The following GABBR2 variants were observed in gnomAD, a reference collection of about 807,000 sequenced individuals.
GABBR2 encodes the protein gamma-aminobutyric acid type B receptor subunit 2.
GABBR2 carries 23 observed loss-of-function variants against 105.6 expected under a neutral mutation model. The ratio of observed to expected loss-of-function variants is 0.22; its 90% CI spans 0.16 to 0.31. The LOEUF is 0.31. Ranked by LOEUF, GABBR2 falls within the 10% of genes least tolerant of loss-of-function variation. The pLI, the probability that GABBR2 is intolerant of heterozygous loss-of-function variation, is 1.00. For synonymous variants in GABBR2, 478 were observed against 499.7 expected (o/e 0.96, Z 0.58); for missense variants, 734 against 1,245.5 (o/e 0.59, Z 6.18).
intron 2 of GABBR2, among the ~76,000 whole-genome samples, chr9:98,553,391 C>T (rs907491236): frequency 2.6e-5 from 4 of 151,754 alleles, no homozygotes; most frequent in African/African-American, 9.7e-5. Flanking sequence ...GCCAGGAGTT[C>T]AAGACCAGCC....
intron 1 of GABBR2, among the ~76,000 whole-genome samples, chr9:98,626,161 T>C (rs1829733813): frequency 6.6e-6 from 1 of 152,226 alleles, no homozygotes; most frequent in African/African-American, 2.4e-5. Flanking sequence ...ATATATTGTA[T>C]AATTTCATTT....
intron 13 of GABBR2, among the ~76,000 whole-genome samples, chr9:98,350,211 C>T (rs1260112645): frequency 6.8e-6 from 1 of 146,196 alleles, no homozygotes; most frequent in Non-Finnish European, 1.5e-5. Flanking sequence ...TCATTTTCTT[C>T]ATCCTTTGTA....
chr9:98,342,743 C>A (rs1831234927), intron 13 of GABBR2, among the ~76,000 whole-genome samples: 2 of 152,194 alleles, frequency 1.3e-5, no homozygotes. Flanking sequence ...TGGAGTGTGA[C>A]CCTTAGCATC....
At chr9:98,425,624 C>A (rs1351910149) in intron 7 of GABBR2, among the ~76,000 whole-genome samples, 1 of 152,196 alleles carries the variant, frequency 6.6e-6, no homozygotes, top group Non-Finnish European at 1.5e-5. Context: ...CCTGGGCAAA[C>A]CAGGTGGGCC....
At chr9:98,347,472 G>C (rs1477865431) in intron 13 of GABBR2, among the ~76,000 whole-genome samples, 1 of 151,968 alleles carries the variant, frequency 6.6e-6, no homozygotes, top group African/African-American at 2.4e-5. Context: ...CTGGACATTA[G>C]TCCCTTGTTG....
At chr9:98,608,044 A>G (rs909117646) in intron 1 of GABBR2, 11 of 1,306,256 alleles carry the variant, frequency 8.4e-6, no homozygotes, top group South Asian at 5.0e-5. Context: ...GAGGATGAGA[A>G]AGCAAACTGG....
At chr9:98,488,174 G>T (rs941641773) in intron 4 of GABBR2, among the ~76,000 whole-genome samples, 1 of 152,186 alleles carries the variant, frequency 6.6e-6, no homozygotes, top group Non-Finnish European at 1.5e-5. Context: ...ATCCATGTAG[G>T]ACATCTGGCT....
At position 98,328,178 on chromosome 9, in the gene GABBR2, C is replaced by A. The variant is rs1219675749; in HGVS notation, c.1894-16973G>T. On this transcript the variant is annotated intron_variant, in intron 13 of 18. Transcript: ENST00000259455. ...CTCACAAACCCCTGTCTCCATCTGT[C>A]CCAGGGTTCAATTCCCGTGCTTCCT... Among the ~76,000 whole-genome samples the A allele has an allele frequency of 2.6e-5, 4 of 151,886 alleles. No homozygotes were observed. In the East Asian group the frequency reaches 5.8e-4, roughly 22 times the overall value.
chr9:98,565,400 G>C (rs192956727), intron 2 of GABBR2, among the ~76,000 whole-genome samples: 115 of 152,254 alleles, frequency 7.6e-4, no homozygotes, highest in African/African-American at 2.3e-3. Context: ...GGCCCAAGAG[G>C]GACGATGCCA....
At chr9:98,426,833 C>T (rs1042958589) in intron 7 of GABBR2, among the ~76,000 whole-genome samples, 2 of 152,088 alleles carry the variant, frequency 1.3e-5, no homozygotes, top group African/African-American at 4.8e-5. Context: ...GAAACTCAGT[C>T]TCTACTAAAA....
At chr9:98,477,602 G>A (rs895537119) in intron 5 of GABBR2, among the ~76,000 whole-genome samples, 1 of 152,144 alleles carries the variant, frequency 6.6e-6, no homozygotes, top group Admixed American at 6.5e-5. Flanking sequence ...ACTATTGCAT[G>A]AGAGTGGGCC....
chr9:98,328,267 T>C (rs1830960387), intron 13 of GABBR2, among the ~76,000 whole-genome samples: 1 of 152,028 alleles, frequency 6.6e-6, no homozygotes, highest in Non-Finnish European at 1.5e-5. Context: ...TTCTTTGAGC[T>C]GTGACGTGGA....
chr9:98,676,174 C>A (rs1376235457), intron 1 of GABBR2, among the ~76,000 whole-genome samples: 2 of 152,178 alleles, frequency 1.3e-5, no homozygotes, highest in African/African-American at 4.8e-5. Context: ...AGAGATGTGA[C>A]AACAGAATCA....
intron 13 of GABBR2, among the ~76,000 whole-genome samples, chr9:98,358,582 G>A (rs1167783126): frequency 6.6e-6 from 1 of 152,232 alleles, no homozygotes; most frequent in Non-Finnish European, 1.5e-5. Context: ...GGTCCTTGAA[G>A]GAAGGGCCAC....
chr9:98,436,486 C>A (rs1212978476), intron 7 of GABBR2, among the ~76,000 whole-genome samples: 1 of 144,142 alleles, frequency 6.9e-6, no homozygotes, highest in Non-Finnish European at 1.5e-5. Context: ...ACCTTCCTTG[C>A]TTCATCTTCA....
chr9:98,344,802 C>T (rs950691182), intron 13 of GABBR2, among the ~76,000 whole-genome samples: 29 of 152,200 alleles, frequency 1.9e-4, no homozygotes, highest in Admixed American at 6.5e-5. Flanking sequence ...ACTACACTCA[C>T]TCTCATGACT....
chr9:98,523,013 G>A (rs1026033789), intron 3 of GABBR2, among the ~76,000 whole-genome samples: 2 of 152,106 alleles, frequency 1.3e-5, no homozygotes, highest in African/African-American at 2.4e-5. Flanking sequence ...GTAGAAGACC[G>A]ATATTTTAAA....
At chr9:98,706,103 AAAAAAC>A (rs1346793624) in intron 1 of GABBR2, among the ~76,000 whole-genome samples, 2 of 30,022 alleles carry the variant, frequency 6.7e-5, no homozygotes, top group Admixed American at 3.0e-4. Flanking sequence ...AACAAAACAA[AAAAAAC>A]AAAAAAAAAA....
chr9:98,574,621 A>C (rs777795583), intron 2 of GABBR2, among the ~76,000 whole-genome samples: 5 of 152,202 alleles, frequency 3.3e-5, no homozygotes, highest in Admixed American at 6.5e-5. Flanking sequence ...AAGACACTAA[A>C]TTTGGGGGGA....
Sources: gnomAD v4.1 joint callset for allele counts (sites outside exome capture counted in the v4.1 genomes callset) on GRCh38, gnomAD v4.1.1 for gene constraint, MANE v1.5 for transcripts, NCBI Gene and HGNC (gene_info 2026-07-23, HGNC 2026-07-21) for gene names.